MXRA5: variants seen among roughly 807,000 people sequenced by gnomAD.
The protein encoded by MXRA5 is matrix remodeling associated 5.
MXRA5 carries 41 observed loss-of-function variants against 112.5 expected under a neutral mutation model. The ratio of observed to expected loss-of-function variants is 0.36; its 90% confidence interval spans 0.28 to 0.47. The LOEUF is 0.47. MXRA5 is among the 20% of genes least tolerant of loss of function. MXRA5 has a pLI of 0.99. For missense variants in MXRA5, 2,150 were observed against 2,251.0 expected (o/e 0.96, Z 0.91); for synonymous variants, 862 against 900.8 (o/e 0.96, Z 0.77).
chrX:3,321,610 C>A lies in MXRA5; in HGVS notation c.4075G>T (p.Val1359Phe), dbSNP rs201852093. The A allele has an allele frequency of 6.6e-6, 8 of 1,209,308 alleles. No individual in the cohort carries two copies. Among genetic ancestry groups the A allele is most frequent in the Non-Finnish European group, 8.9e-6 (8 of 894,872 alleles). ...TNAIPTSRSL[V>F]STMGEFKEES... Reference sequence around the variant, plus strand: ...TCCTTAAATTCTCCCATAGTGGAGACCAAGGAGCGAGAAGTTGGTATGGCA... The same window carrying A: ...TCCTTAAATTCTCCCATAGTGGAGAACAAGGAGCGAGAAGTTGGTATGGCA... Residue 1359 changes from valine to phenylalanine, a missense_variant, in exon 5 of 7, where the codon GTC becomes TTC. Around this residue, in one of 6 missense-constraint regions of MXRA5, gnomAD observed 1,485 missense variants for 1,471.6 expected, o/e 1.01. Coordinates refer to ENST00000217939, the MANE Select transcript of MXRA5 (RefSeq NM_015419.4).
chrX:3,322,362 G>A lies in MXRA5; in HGVS notation c.3323C>T (p.Pro1108Leu). 1 of 1,211,382 alleles carries A rather than the reference G, an allele frequency of 8.3e-7. No homozygotes were observed. The highest frequency in any genetic ancestry group is 1.8e-5 in the South Asian group (1 of 56,944). The change falls in exon 5 of 7, where the codon CCA becomes CTA. Residue 1108 changes from proline to leucine, a missense_variant. By Grantham distance (98) the Pro-to-Leu change is moderately conservative (BLOSUM62 -3). This residue lies in a region of MXRA5 where 1,485 missense variants were observed against 1,471.6 expected (regional missense o/e 1.01). Coordinates refer to ENST00000217939, the MANE Select transcript of MXRA5 (RefSeq NM_015419.4). ...TGTGGTTTCCGCAGGCTTCTTAACT[G>A]GAGACATACTGCTCATTATACCCAG... ...STLGIMSSMSPVKKPAETTVG... is the reference protein window; with the variant it reads ...STLGIMSSMSLVKKPAETTVG...
Position 3,317,920 on chromosome X carries a change from G to C in MXRA5, c.5761C>G (p.Gln1921Glu), listed in dbSNP as rs1359258377. ...GTLVIRKVQV[Q>E]DRGQYMCTAS... ...GTGCACATATACTGGCCTCGATCTT[G>C]TACTTGAACCTTCCGTATCACTAAG... Residue 1921 changes from glutamine to glutamate, a missense_variant, in exon 6 of 7, where the codon CAA becomes GAA. Gln to Glu is a conservative substitution (Grantham distance 29). Transcript: ENST00000217939. 3.0e-5 allele frequency: 36 copies of C among 1,209,111 alleles called. No individual in the cohort carries two copies. The highest frequency in any genetic ancestry group is 3.8e-5 in the Non-Finnish European group (34 of 894,878).
In MXRA5 at chrX:3,330,202, T is replaced by C. The variant is rs1338647386; in HGVS notation, c.525A>G (p.Thr175=). 1 of 1,207,853 alleles carries C rather than the reference T, an allele frequency of 8.3e-7. No individual in the cohort carries two copies. The highest frequency in any genetic ancestry group is 1.1e-6 in the Non-Finnish European group (1 of 894,299). ...TGGAGAGTCTGAAATAATCCAAAAA[T>C]GTGAACGTGGAGAAGGTGCTGGGGT... ...QLHPSTFSTF[T]FLDYFRLSTI... Residue 175 remains threonine (T), a synonymous_variant, in exon 4 of 7, where the codon ACA becomes ACG. Transcript: ENST00000217939.
chrX:3,344,069 T>C (rs1048045733), intron 1 of MXRA5, among the ~76,000 whole-genome samples: 2 of 110,560 alleles, frequency 1.8e-5, no homozygotes, highest in African/African-American at 3.3e-5. Flanking sequence ...ATCATGACTA[T>C]AGAATATAGT....
intron 2 of MXRA5, among the ~76,000 whole-genome samples, chrX:3,332,681 G>C (rs1379581259): frequency 8.9e-6 from 1 of 112,226 alleles, no homozygotes; most frequent in Non-Finnish European, 1.9e-5. Flanking sequence ...CCTATTTCCT[G>C]TTCATCATTT....
Position 3,330,709 on chromosome X carries a change from T to A in MXRA5, c.253A>T (p.Met85Leu), listed in dbSNP as rs775453435. Reference sequence around the variant, plus strand: ...CTTGGGATCTCATTGCCGTGAATCATAAGTAGCTCCAACTTGGTCAGTCCT... The same window carrying A: ...CTTGGGATCTCATTGCCGTGAATCAAAAGTAGCTCCAACTTGGTCAGTCCT... ...FAGLTKLELLMIHGNEIPSIP... is the reference protein window; with the variant it reads ...FAGLTKLELLLIHGNEIPSIP... Residue 85 changes from methionine to leucine, a missense_variant, in exon 3 of 7, where the codon ATG becomes TTG. Transcript: ENST00000217939. The A allele has an allele frequency of 1.7e-6, 2 of 1,210,178 alleles. No homozygotes were observed. The highest frequency in any genetic ancestry group is 3.5e-5 in the South Asian group (2 of 56,809).
At position 3,322,325 on chromosome X, in the gene MXRA5, G is replaced by T; in HGVS notation, c.3360C>A (p.Leu1120=). Reference sequence around the variant, plus strand: ...TTGCTGTTGTGGTGTCTTTGTCTAGGAGGGTACCAACTGTGGTTTCCGCAG... The same window carrying T: ...TTGCTGTTGTGGTGTCTTTGTCTAGTAGGGTACCAACTGTGGTTTCCGCAG... ...KKPAETTVGT[L]LDKDTTTATT... Residue 1120 remains leucine, a synonymous_variant, in exon 5 of 7, where the codon CTC becomes CTA. Transcript: ENST00000217939. The T allele has an allele frequency of 8.3e-7, 1 of 1,211,392 alleles. No homozygotes were observed. Among genetic ancestry groups the T allele is most frequent in the Non-Finnish European group, 1.1e-6 (1 of 895,455 alleles).
In MXRA5 at chrX:3,314,004, T is replaced by C. The variant is rs189782157; in HGVS notation, c.6579-2380A>G. ...AGAGTCCTGGGAGGCCAGACACAACTGTGCAGAAGAAAACCTTGGACGCTG... is the reference window on the plus strand; with the variant it reads ...AGAGTCCTGGGAGGCCAGACACAACCGTGCAGAAGAAAACCTTGGACGCTG... On this transcript the variant is annotated intron_variant, in intron 6 of 6. Coordinates refer to ENST00000217939, the MANE Select transcript of MXRA5 (RefSeq NM_015419.4). 2.1e-3 allele frequency among the ~76,000 whole-genome samples: 233 copies of C among 111,644 alleles called. 2 individuals are homozygous for C. The highest frequency in any genetic ancestry group is 2.9e-3 in the Non-Finnish European group (154 of 53,105).
At chrX:3,338,347 T>C (rs192222794) in intron 2 of MXRA5, among the ~76,000 whole-genome samples, 1 of 111,634 alleles carries the variant, frequency 9.0e-6, no homozygotes, top group Admixed American at 9.6e-5. Context: ...AGATGATAGA[T>C]AGATAGATAG....
At position 3,321,604 on chromosome X, in the gene MXRA5, T is replaced by G. The variant is rs770100551; in HGVS notation, c.4081A>C (p.Thr1361Pro). 7 of 1,209,171 alleles carry G rather than the reference T, an allele frequency of 5.8e-6. No homozygotes were observed. The highest frequency in any genetic ancestry group is 7.8e-6 in the Non-Finnish European group (7 of 894,683). Residue 1361 changes from threonine (T) to proline (P), a missense_variant, in exon 5 of 7, where the codon ACT becomes CCT. This residue lies in a region of MXRA5 where 1,485 missense variants were observed against 1,471.6 expected (regional missense o/e 1.01). Transcript: ENST00000217939. ...GATTCTTCCTTAAATTCTCCCATAG[T>G]GGAGACCAAGGAGCGAGAAGTTGGT... Reference protein sequence around the residue: ...AIPTSRSLVSTMGEFKEESSP... With the variant: ...AIPTSRSLVSPMGEFKEESSP...
chrX:3,340,231 G>A (rs1366455825), intron 2 of MXRA5, among the ~76,000 whole-genome samples: 1 of 112,038 alleles, frequency 8.9e-6, no homozygotes, highest in Non-Finnish European at 1.9e-5. Context: ...GGTTTCATTA[G>A]CACTTGGCCA....
intron 1 of MXRA5, among the ~76,000 whole-genome samples, chrX:3,344,857 T>C (rs1405705730): frequency 9.0e-6 from 1 of 111,219 alleles, no homozygotes; most frequent in Non-Finnish European, 1.9e-5. Flanking sequence ...CTCACGTCTG[T>C]CATCCAACAC....
rs771758147 is a variant in MXRA5, at chrX:3,321,139, G to C, written c.4546C>G (p.Pro1516Ala). Residue 1516 changes from proline (P) to alanine (A), a missense_variant, in exon 5 of 7, where the codon CCA (proline) becomes GCA (alanine). By Grantham distance (27) the Pro-to-Ala change is conservative. Coordinates refer to ENST00000217939, the MANE Select transcript of MXRA5 (RefSeq NM_015419.4). ...TTTTKPALPS[P>A]RISQASRDSK... ...TCTCTAGATGCTTGAGATATTCTTGGACTGGGAAGTGCTGGCTTAGTGGTG... is the reference window on the plus strand; with the variant it reads ...TCTCTAGATGCTTGAGATATTCTTGCACTGGGAAGTGCTGGCTTAGTGGTG... 1.2e-5 allele frequency: 14 copies of C among 1,211,758 alleles called. No homozygotes were observed. The Admixed American group carries it at 3.0e-4, about 26-fold the overall frequency.
At chrX:3,345,728 G>C (rs765644689) in intron 1 of MXRA5, among the ~76,000 whole-genome samples, 1 of 113,168 alleles carries the variant, frequency 8.8e-6, no homozygotes, top group Admixed American at 9.2e-5. Context: ...GTCTGCTTTC[G>C]TCTTGGCCCT....
chrX:3,331,428 C>T (rs1353768362), intron 2 of MXRA5, among the ~76,000 whole-genome samples: 2 of 111,962 alleles, frequency 1.8e-5, no homozygotes, highest in African/African-American at 3.2e-5. Context: ...GGCTGTTCCA[C>T]GTGTCTCTTT....
intron 2 of MXRA5, among the ~76,000 whole-genome samples, chrX:3,339,257 G>A (rs1921859553): frequency 9.1e-6 from 1 of 109,477 alleles, no homozygotes; most frequent in Non-Finnish European, 1.9e-5. Flanking sequence ...TGTTGTTGTT[G>A]TTGTTGTTTT....
In MXRA5 at chrX:3,330,132, G is replaced by C; in HGVS notation, c.595C>G (p.Pro199Ala). ...YLAENMVRTL[P>A]ASMLRNMPLL... ...GGCATGTTCCGAAGCATGCTGGCAG[G>C]AAGAGTTCTAACCATGTTCTCTGCT... The change falls in exon 4 of 7, where the codon CCT becomes GCT. Residue 199 changes from proline (P) to alanine (A), a missense_variant. This residue lies in a region of MXRA5 where 386 missense variants were observed against 411.0 expected (regional missense o/e 0.94). Transcript: ENST00000217939. 1 of 1,209,600 alleles carries C rather than the reference G, an allele frequency of 8.3e-7. No homozygotes were observed. The highest frequency in any genetic ancestry group is 1.1e-6 in the Non-Finnish European group (1 of 894,374).
chrX:3,341,338 T>C (rs1222869289), intron 2 of MXRA5, among the ~76,000 whole-genome samples: 1 of 43,467 alleles, frequency 2.3e-5, no homozygotes, highest in South Asian at 1.9e-3. Flanking sequence ...TTACATTATA[T>C]ATATTATTAC....
rs374161410 is a variant in MXRA5 at position 3,322,294 on chromosome X, T to G, written c.3391A>C (p.Thr1131Pro). ...LDKDTTTATT[T>P]PRQKVAPSST... ...GACGGAGCAACTTTTTGCCTTGGTG[T>G]TGTTGTTGCTGTTGTGGTGTCTTTG... is the stretch of plus-strand genomic sequence containing the variant. Residue 1131 changes from threonine (T) to proline (P), a missense_variant, in exon 5 of 7, where the codon ACA becomes CCA. By Grantham distance (38) the Thr-to-Pro change is conservative (BLOSUM62 -1). Coordinates refer to ENST00000217939, the MANE Select transcript of MXRA5 (RefSeq NM_015419.4). 4.1e-6 allele frequency: 5 copies of G among 1,207,066 alleles called. No individual in the cohort carries two copies. The highest frequency in any genetic ancestry group is 2.2e-6 in the Non-Finnish European group (2 of 893,879).
Sources: gnomAD v4.1 joint callset for allele counts (sites outside exome capture counted in the v4.1 genomes callset) on GRCh38, gnomAD v4.1.1 for gene constraint, gnomAD v4.1.1 regional missense constraint, MANE v1.5 for transcripts, NCBI Gene and HGNC (gene_info 2026-07-23, HGNC 2026-07-21) for gene names.